CTNNA1: variants seen among roughly 807,000 people sequenced by gnomAD.
CTNNA1 encodes the protein catenin alpha 1.
In CTNNA1, 37 loss-of-function variants were observed where a neutral mutation model predicts 98.4. The ratio of observed to expected loss-of-function variants is 0.38; its 90% CI spans 0.29 to 0.49. The LOEUF (loss-of-function observed/expected upper bound fraction) is 0.49, where lower values mean the gene tolerates loss of function less well. CTNNA1 is among the 20% of genes least tolerant of loss of function. The probability of loss-of-function intolerance (pLI) is 0.95; values close to 1 mark genes in which losing one functional copy is unlikely to be tolerated. For synonymous variants in CTNNA1, 404 were observed against 413.2 expected (o/e 0.98, Z 0.27); for missense variants, 761 against 1,147.2 (o/e 0.66, Z 4.86).
intron 7 of CTNNA1, among the ~76,000 whole-genome samples, chr5:138,844,521 CTG>C (rs1762538592): frequency 6.6e-6 from 1 of 152,158 alleles, no homozygotes; most frequent in South Asian, 2.1e-4. Flanking sequence ...TTTTAGGTGG[CTG>C]TAACACTATT....
rs1466655727 is a variant in CTNNA1 at position 138,866,912 on chromosome 5, C to T, written c.1063-19300C>T. Among the ~76,000 whole-genome samples, 7 of 152,276 alleles carry T rather than the reference C, an allele frequency of 4.6e-5. No homozygotes were observed. In the East Asian group the frequency reaches 9.6e-4, roughly 21 times the overall value. On this transcript the variant is annotated intron_variant, in intron 7 of 17. Transcript: ENST00000302763. ...AAAGACAATTTGTAGTACATTTTGT[C>T]TCTCTAAGGGAGACATGACTACCCC...
chr5:138,907,777 T>G (rs549466276), intron 10 of CTNNA1, among the ~76,000 whole-genome samples: 2 of 152,276 alleles, frequency 1.3e-5, no homozygotes, highest in Middle Eastern at 3.4e-3. Flanking sequence ...TTGACCTCTC[T>G]TCACAGTGTG....
At chr5:138,808,216 C>CT (rs1304709347) in intron 3 of CTNNA1, among the ~76,000 whole-genome samples, 1 of 152,116 alleles carries the variant, frequency 6.6e-6, no homozygotes, top group African/African-American at 2.4e-5. Context: ...TTTGTGAACC[C>CT]TTTGAGACCA....
intron 5 of CTNNA1, among the ~76,000 whole-genome samples, chr5:138,816,424 A>C (rs560981648): frequency 6.6e-6 from 1 of 152,046 alleles, no homozygotes; most frequent in Non-Finnish European, 1.5e-5. Context: ...TGATTGGTCT[A>C]TTTTTAGTTT....
intron 7 of CTNNA1, among the ~76,000 whole-genome samples, chr5:138,858,404 G>A (rs1448181006): frequency 2.0e-5 from 3 of 151,980 alleles, no homozygotes; most frequent in Non-Finnish European, 4.4e-5. Flanking sequence ...TAGGATTATA[G>A]GTATGAGCTC....
chr5:138,782,194 C>T (rs1032064230), intron 2 of CTNNA1, 165 bp downstream of exon 2: 5 of 701,858 alleles, frequency 7.1e-6, no homozygotes, highest in South Asian at 6.7e-5. Context: ...TTTAGTTAAC[C>T]CTTGAGAACG....
At chr5:138,809,983 A>C in intron 3 of CTNNA1, 55 bp from the exon 4 acceptor site, 1 of 1,537,340 alleles carries the variant, frequency 6.5e-7, no homozygotes, top group Non-Finnish European at 8.9e-7. Flanking sequence ...TTAAAAATGT[A>C]GATCAGTTAT....
intron 2 of CTNNA1, 36 bp downstream of exon 2, chr5:138,782,065 G>T (rs1259803818): frequency 6.3e-7 from 1 of 1,587,610 alleles, no homozygotes; most frequent in African/African-American, 1.4e-5. Flanking sequence ...TTGTAACATG[G>T]TTCTATAGCA....
At chr5:138,897,676 A>ATAC (rs1757180360) in intron 9 of CTNNA1, among the ~76,000 whole-genome samples, 2 of 152,302 alleles carry the variant, frequency 1.3e-5, no homozygotes. Context: ...AATTCTAAGC[A>ATAC]TACTAGCTTG....
chr5:138,900,955 C>T (rs1253167941), intron 9 of CTNNA1, among the ~76,000 whole-genome samples: 2 of 152,108 alleles, frequency 1.3e-5, no homozygotes, highest in Non-Finnish European at 2.9e-5. Context: ...CCTACCTCTT[C>T]GAATAGTGGG....
chr5:138,912,768 A>G (rs891340260), intron 10 of CTNNA1, among the ~76,000 whole-genome samples: 1 of 152,162 alleles, frequency 6.6e-6, no homozygotes, highest in Non-Finnish European at 1.5e-5. Flanking sequence ...TTATATAAGT[A>G]AGAGTAAACT....
rs749020625 is a variant in CTNNA1, at chr5:138,812,164, G to T, written c.469-19G>T. 3 of 1,606,650 alleles carry T rather than the reference G, an allele frequency of 1.9e-6. No individual in the cohort carries two copies. The Admixed American group carries it at 5.1e-5, about 28-fold the overall frequency. ...TACATTCAGAATTTTTGGGTTTTGGGGTCTTTCTTATTTTATAGGTGGAAG... is the reference window on the plus strand; with the variant it reads ...TACATTCAGAATTTTTGGGTTTTGGTGTCTTTCTTATTTTATAGGTGGAAG... On this transcript the variant is annotated intron_variant, in intron 4 of 17. Transcript: ENST00000302763.
At chr5:138,902,530 CT>C (rs1758277307) in intron 9 of CTNNA1, among the ~76,000 whole-genome samples, 1 of 152,220 alleles carries the variant, frequency 6.6e-6, no homozygotes, top group Non-Finnish European at 1.5e-5. Context: ...CGCCATTCTC[CT>C]GCCTCAGCCT....
intron 9 of CTNNA1, among the ~76,000 whole-genome samples, chr5:138,900,646 T>C (rs1214465692): frequency 1.3e-5 from 2 of 152,180 alleles, no homozygotes; most frequent in Non-Finnish European, 2.9e-5. Context: ...ACAAATTTTA[T>C]GTAAGTAAAG....
intron 3 of CTNNA1, chr5:138,790,970 C>A (rs1270111035): frequency 6.6e-6 from 1 of 152,176 alleles, no homozygotes; most frequent in Non-Finnish European, 1.5e-5. Context: ...GCCTCTTCTT[C>A]AGTGCTGAAA....
At chr5:138,763,036 C>A (rs1354356143) in intron 1 of CTNNA1, among the ~76,000 whole-genome samples, 1 of 151,666 alleles carries the variant, frequency 6.6e-6, no homozygotes, top group African/African-American at 2.4e-5. Context: ...TTTGAGGTTT[C>A]ATTATTAAAT....
At chr5:138,812,958 G>A (rs1758997252) in intron 5 of CTNNA1, among the ~76,000 whole-genome samples, 1 of 152,184 alleles carries the variant, frequency 6.6e-6, no homozygotes, top group South Asian at 2.1e-4. Flanking sequence ...TCCTGATCAA[G>A]CTTACGCTTT....
intron 7 of CTNNA1, among the ~76,000 whole-genome samples, chr5:138,858,523 A>G (rs1490559941): frequency 2.6e-5 from 4 of 151,932 alleles, no homozygotes; most frequent in African/African-American, 7.3e-5. Flanking sequence ...TTGTAACCCA[A>G]GCCTCTATCA....
chr5:138,893,786 C>T (rs1305943637), intron 9 of CTNNA1, among the ~76,000 whole-genome samples: 3 of 151,738 alleles, frequency 2.0e-5, no homozygotes, highest in East Asian at 1.9e-4. Flanking sequence ...ACCACGCCCA[C>T]GTAATTTTTG....
Sources: allele counts gnomAD v4.1 joint callset (sites outside exome capture counted in the v4.1 genomes callset), GRCh38; gene constraint gnomAD v4.1.1; transcripts MANE v1.5; gene names NCBI Gene and HGNC (gene_info 2026-07-23, HGNC 2026-07-21).